Variants in ITGA7 observed in about 807,000 individuals in gnomAD.
ITGA7 encodes integrin subunit alpha 7, also known as integrin alpha-7.
ITGA7 carries 84 observed loss-of-function variants against 131.6 expected under a neutral mutation model. That is an observed-to-expected ratio of 0.64 (90% CI 0.54 to 0.77). ITGA7 has a LOEUF of 0.77. Among genes scored for constraint, ITGA7 ranks in the 30% least tolerant of loss-of-function variants. ITGA7 has a pLI of 0.00. For missense variants in ITGA7, 1,399 were observed against 1,482.9 expected (o/e 0.94, Z 0.93); for synonymous variants, 548 against 600.7 (o/e 0.91, Z 1.28).
In ITGA7 at chr12:55,688,050, CCTT is replaced by C. The variant is rs776669955; in HGVS notation, c.3101_3103del (p.Glu1034del). The C allele has an allele frequency of 1.2e-6, 2 of 1,614,160 alleles. No individual in the cohort carries two copies. Among genetic ancestry groups the C allele is most frequent in the South Asian group, 2.2e-5 (2 of 91,086 alleles). On this transcript the variant is annotated inframe_deletion, in exon 24 of 25. Coordinates refer to ENST00000257879, the MANE Select transcript of ITGA7 (RefSeq NM_002206.3). ...CAGGAGGATGACCCACCAGGGCACT[CCTT>C]CTGCCACCACAGCCATGGGGTCCAA...
intron 14 of ITGA7, 36 bp downstream of exon 14, chr12:55,695,486 C>G: frequency 2.9e-5 from 32 of 1,108,862 alleles, no homozygotes; most frequent in African/African-American, 6.1e-5. Context: ...TGAACTCTTG[C>G]CCTCCCACCC....
rs1421569407 is a variant in ITGA7 at position 55,694,504 on chromosome 12, G to A, written c.2296C>T (p.Leu766Phe). The A allele has an allele frequency of 6.2e-7, 1 of 1,614,216 alleles. No individual in the cohort carries two copies. The highest frequency in any genetic ancestry group is 8.5e-7 in the Non-Finnish European group (1 of 1,180,038). The change falls in exon 17 of 25, where the codon CTT (leucine) becomes TTT (phenylalanine). Residue 766 changes from leucine (L) to phenylalanine (F), a missense_variant. Leu to Phe is a conservative substitution (Grantham distance 22). Transcript: ENST00000257879. The surrounding 1 kb of genome is among the most constrained non-coding windows in gnomAD (Gnocchi z 5.3). ...TCAATGCTGATCCCGGAGGTGCTAA[G>A]GATGAGGTAGAAGGTGACCTAGGCC... ...RGAQVTFYLI[L>F]STSGISIETT...
rs1221668130 is a variant in ITGA7, at chr12:55,688,188, AC to A, written c.3057+13del. 6.2e-7 allele frequency: 1 copy of A among 1,613,224 alleles called. No homozygotes were observed. Among genetic ancestry groups the A allele is most frequent in the Admixed American group, 1.7e-5 (1 of 59,980 alleles). On this transcript the variant is annotated intron_variant, in intron 23 of 24. Transcript: ENST00000257879. ...GAGAGTCCTCCCCACCTATCCCCCAACCCTGCAGCTCACCACTGTGGAGGCA... is the reference window on the plus strand; with the variant it reads ...GAGAGTCCTCCCCACCTATCCCCCAACCTGCAGCTCACCACTGTGGAGGCA...
chr12:55,696,326 G>A lies in ITGA7; in HGVS notation c.1844C>T (p.Ala615Val). The A allele has an allele frequency of 6.3e-7, 1 of 1,581,956 alleles. No homozygotes were observed. The highest frequency in any genetic ancestry group is 8.6e-7 in the Non-Finnish European group (1 of 1,162,972). Reference sequence around the variant, plus strand: ...GGGCTGGTGGGCATTGAGGATGGGGGCCACTGGAGGCAGCCCCTGGCCAGG... The same window carrying A: ...GGGCTGGTGGGCATTGAGGATGGGGACCACTGGAGGCAGCCCCTGGCCAGG... ...QAPGQGLPPVAPILNAHQPST... is the reference protein window; with the variant it reads ...QAPGQGLPPVVPILNAHQPST... Residue 615 changes from alanine to valine, a missense_variant, in exon 13 of 25, where the codon GCC becomes GTC. By Grantham distance (64) the Ala-to-Val change is moderately conservative. Transcript: ENST00000257879.
Position 55,693,311 on chromosome 12 carries a change from T to C in ITGA7, c.2542A>G (p.Asn848Asp). Residue 848 changes from asparagine to aspartate, a missense_variant, in exon 20 of 25, where the codon AAC becomes GAC. Asn to Asp is a conservative substitution (Grantham distance 23). Transcript: ENST00000257879. Reference sequence around the variant, plus strand: ...AGGGTTCTGAGCGACTGGCCTTGGTTGGAAACCTGTGGGAAAAAGAGAGTA... The same window carrying C: ...AGGGTTCTGAGCGACTGGCCTTGGTCGGAAACCTGTGGGAAAAAGAGAGTA... The part of the protein sequence containing the change: ...SKVKYEVTVS[N>D]QGQSLRTLGS... 1 of 1,613,744 alleles carries C rather than the reference T, an allele frequency of 6.2e-7. No homozygotes were observed. The highest frequency in any genetic ancestry group is 1.1e-5 in the South Asian group (1 of 91,062).
At chr12:55,692,213 G>C (rs1250542886) in intron 21 of ITGA7, among the ~76,000 whole-genome samples, 4 of 152,140 alleles carry the variant, frequency 2.6e-5, no homozygotes, top group Non-Finnish European at 5.9e-5. Flanking sequence ...AGGAGTTCGA[G>C]ACCAGCCAGC....
At chr12:55,686,732 G>C (rs548512534) in intron 24 of ITGA7, among the ~76,000 whole-genome samples, 1 of 152,218 alleles carries the variant, frequency 6.6e-6, no homozygotes, top group African/African-American at 2.4e-5. Flanking sequence ...CTGGATACCA[G>C]TATGATTCGG....
At chr12:55,687,710 G>A (rs561532728) in intron 24 of ITGA7, among the ~76,000 whole-genome samples, 36 of 152,012 alleles carry the variant, frequency 2.4e-4, no homozygotes, top group East Asian at 7.7e-4. Context: ...GGCTGGTCTC[G>A]AACTCCTGAC....
At chr12:55,715,332 G>C (rs1453868314), upstream of ITGA7, among the ~76,000 whole-genome samples, 1 of 152,146 alleles carries the variant, frequency 6.6e-6, no homozygotes, top group Non-Finnish European at 1.5e-5. Flanking sequence ...CAACATGTTA[G>C]TGCAAGGTGC....
intron 3 of ITGA7, chr12:55,701,358 CA>C: frequency 6.4e-7 from 1 of 1,553,774 alleles, no homozygotes; most frequent in Non-Finnish European, 8.7e-7. Context: ...ATGCATAACC[CA>C]GCAACCTGTC....
chr12:55,700,032 G>T (rs575116684), intron 4 of ITGA7, 43 bp from the exon 5 acceptor site: 3 of 1,610,796 alleles, frequency 1.9e-6, no homozygotes, highest in Non-Finnish European at 2.5e-6. Context: ...GACATCCAGA[G>T]TAGGGGCCAC....
intron 20 of ITGA7, 57 bp downstream of exon 20, chr12:55,693,084 C>A: frequency 6.2e-7 from 1 of 1,611,190 alleles, no homozygotes; most frequent in South Asian, 1.1e-5. Flanking sequence ...ACTCACTACC[C>A]TTACTCCCCA....
upstream of ITGA7, chr12:55,708,036 T>C: frequency 8.7e-7 from 1 of 1,144,690 alleles, no homozygotes; most frequent in Non-Finnish European, 1.1e-6. Context: ...GGATGGAAAC[T>C]AGCCTTGCTG....
Position 55,694,340 on chromosome 12 carries a change from G to A in ITGA7, c.2358-10C>T. 3.7e-6 allele frequency: 6 copies of A among 1,613,670 alleles called. No homozygotes were observed. In the East Asian group the frequency reaches 1.3e-4, roughly 36 times the overall value. On this transcript the variant is annotated splice_polypyrimidine_tract_variant and intron_variant, in intron 17 of 24. Transcript: ENST00000257879. This position sits in a 1 kb window ranked among gnomAD's most constrained non-coding sequence, Gnocchi z 5.3. ...CTCCTGCTCACTGATCCTGGTGAGT[G>A]GGCAGGGGCAAGTATGGGCATCAGG...
upstream of ITGA7, chr12:55,716,199 G>A (rs964937739): frequency 6.2e-7 from 1 of 1,606,816 alleles, no homozygotes; most frequent in East Asian, 2.3e-5. Flanking sequence ...GCTGCAGGGT[G>A]AGCCAAATAT....
intron 5 of ITGA7, chr12:55,699,384 A>T (rs574669425): frequency 3.5e-6 from 1 of 285,182 alleles, no homozygotes; most frequent in African/African-American, 2.2e-5. Context: ...AGGGAGGGGA[A>T]GTCTTCACAT....
intron 24 of ITGA7, among the ~76,000 whole-genome samples, chr12:55,687,169 C>CTTTTTTT (rs1187388992): frequency 7.9e-5 from 7 of 88,178 alleles, no homozygotes; most frequent in East Asian, 3.0e-4. Context: ...CATCTGATTT[C>CTTTTTTT]TTTTTTTTTT....
chr12:55,694,768 A>C lies in ITGA7; in HGVS notation c.2196+10T>G, dbSNP rs1872263979. ...CAAGACCCCACCCCATCCTGCCCCC[A>C]GGTCCTCACCGCAGGGTCCAGGGCC... is the stretch of plus-strand genomic sequence containing the variant. On this transcript the variant is annotated intron_variant, in intron 15 of 24. Coordinates refer to ENST00000257879, the MANE Select transcript of ITGA7 (RefSeq NM_002206.3). The surrounding 1 kb of genome is among the most constrained non-coding windows in gnomAD (Gnocchi z 5.3). 1.5e-5 allele frequency: 24 copies of C among 1,612,810 alleles called. No individual in the cohort carries two copies. Among genetic ancestry groups the C allele is most frequent in the Non-Finnish European group, 1.9e-5 (23 of 1,179,612 alleles).
Position 55,684,701 on chromosome 12 carries a change from ACCC to A in ITGA7, c.*354_*356del. 3.7e-6 allele frequency: 1 copy of A among 271,238 alleles called. No individual in the cohort carries two copies. The highest frequency in any genetic ancestry group is 4.8e-5 in the Admixed American group (1 of 21,002). 16.8% of individuals were successfully genotyped at this position (271,238 alleles called of 1,614,324 possible). A position where few individuals can be genotyped will look rare whatever the true frequency, so the allele number is the denominator to read the frequency against. ...AGTCAGTGACACAACCTCCTCCCCGACCCTCTAGGTTAAGGCACTTCCGGGGAG... is the reference window on the plus strand; with the variant it reads ...AGTCAGTGACACAACCTCCTCCCCGATCTAGGTTAAGGCACTTCCGGGGAG... On this transcript the variant is annotated 3_prime_UTR_variant, in exon 25 of 25. Transcript: ENST00000257879.
Sources: allele counts gnomAD v4.1 joint callset (sites outside exome capture counted in the v4.1 genomes callset), GRCh38; gene constraint gnomAD v4.1.1; non-coding constraint Gnocchi (gnomAD v3.1); transcripts MANE v1.5; gene names NCBI Gene and HGNC (gene_info 2026-07-23, HGNC 2026-07-21).